Variants in STMN1 observed in about 807,000 individuals in gnomAD.
STMN1 encodes stathmin 1.
A neutral mutation model predicts 19.7 loss-of-function variants in STMN1; 3 were observed. The ratio of observed to expected loss-of-function variants is 0.15; its 90% CI spans 0.07 to 0.39. The LOEUF is 0.39. Among genes scored for constraint, STMN1 ranks in the 10% least tolerant of loss-of-function variants. The pLI, the probability that STMN1 is intolerant of heterozygous loss-of-function variation, is 1.00. For synonymous variants in STMN1, 59 were observed against 58.9 expected (o/e 1.00, Z -0.01); for missense variants, 99 against 176.0 (o/e 0.56, Z 2.48).
chr1:25,898,736 C>T (rs913813560), downstream of STMN1, among the ~76,000 whole-genome samples: 4 of 152,234 alleles, frequency 2.6e-5, no homozygotes, highest in African/African-American at 9.6e-5. Flanking sequence ...CCACTCTGGC[C>T]TTATTAGGCC....
intron 4 of STMN1, chr1:25,889,069 C>A: frequency 2.0e-6 from 1 of 492,922 alleles, no homozygotes; most frequent in East Asian, 5.5e-5. Context: ...AGGTACAACT[C>A]CAAAAGGAGA....
intron 3 of STMN1, 39 bp downstream of exon 3, chr1:25,903,602 T>C (rs779677199): frequency 6.8e-6 from 11 of 1,606,020 alleles, no homozygotes; most frequent in Non-Finnish European, 7.6e-6. Context: ...GCCCATTACA[T>C]AAATTAATAT....
chr1:25,893,263 C>T (rs142018737), intron 4 of STMN1, among the ~76,000 whole-genome samples: 11 of 152,258 alleles, frequency 7.2e-5, no homozygotes, highest in African/African-American at 1.9e-4. Flanking sequence ...GTACTTATCT[C>T]GCTGCAGACC....
exon 5 of STMN1, chr1:25,885,679 C>A: frequency 1.3e-6 from 2 of 1,530,038 alleles, no homozygotes; most frequent in South Asian, 1.3e-5. Context: ...GTTCATCAGT[C>A]TCAAGGTCAT....
intron 4 of STMN1, among the ~76,000 whole-genome samples, chr1:25,891,258 G>A (rs2048772588): frequency 6.6e-6 from 1 of 151,806 alleles, no homozygotes; most frequent in Non-Finnish European, 1.5e-5. Context: ...TTGAACCCAG[G>A]AGGCAGAGGT....
rs1424138960 is a variant in STMN1, at chr1:25,885,705, C to A, written c.*18G>T. The A allele has an allele frequency of 3.9e-6, 6 of 1,545,606 alleles. No homozygotes were observed. In the East Asian group the frequency reaches 9.8e-5, roughly 25 times the overall value. On this transcript the variant is annotated 3_prime_UTR_variant, in exon 5 of 5. Transcript: ENST00000426559. ...TCAAGGTCATTGCTATCATCAACAG[C>A]AAATATTTATTAAGTACCTAGTGAT...
chr1:25,895,158 G>C (rs915538504), downstream of STMN1, among the ~76,000 whole-genome samples: 7 of 146,132 alleles, frequency 4.8e-5, no homozygotes, highest in Admixed American at 3.5e-4. Context: ...ACTGGAGTGC[G>C]GTGGCGTGAT....
downstream of STMN1, among the ~76,000 whole-genome samples, chr1:25,898,136 G>A (rs960907638): frequency 2.6e-5 from 4 of 152,204 alleles, no homozygotes; most frequent in Non-Finnish European, 4.4e-5. Flanking sequence ...CCTTCAAAGA[G>A]CCTCCACTGC....
chr1:25,886,871 C>T lies in STMN1; in HGVS notation c.379-1002G>A, dbSNP rs535354100. ...AAAGTGCTGGGATTACAGGCATGAG[C>T]CACCGTGCCTGGCCCCACTGCTTTT... On this transcript the variant is annotated intron_variant, in intron 4 of 4. Coordinates refer to the STMN1 transcript ENST00000426559. Among the ~76,000 whole-genome samples the T allele has an allele frequency of 1.7e-4, 26 of 152,150 alleles. No individual in the cohort carries two copies. The East Asian group carries it at 4.8e-3, about 28-fold the overall frequency.
At chr1:25,903,924 T>C in intron 2 of STMN1, 111 bp from the exon 3 acceptor site, 1 of 1,151,966 alleles carries the variant, frequency 8.7e-7, no homozygotes, top group South Asian at 1.7e-5. Context: ...CTAGGGCTGA[T>C]GAGGAAAGTT....
intron 4 of STMN1, among the ~76,000 whole-genome samples, chr1:25,894,526 G>A (rs578101938): frequency 3.9e-5 from 6 of 152,108 alleles, no homozygotes; most frequent in Non-Finnish European, 7.4e-5. Context: ...CAAAAAATAC[G>A]AAAATTAGCC....
chr1:25,905,555 C>A (rs984855942), intron 1 of STMN1: 4 of 152,292 alleles, frequency 2.6e-5, no homozygotes, highest in Admixed American at 6.5e-5. Context: ...TGCGCTCCGG[C>A]CCCTGGCCCC....
In STMN1 at chr1:25,900,756, T is replaced by A; in HGVS notation, c.*260A>T. On this transcript the variant is annotated 3_prime_UTR_variant, in exon 5 of 5. Coordinates refer to ENST00000455785, the MANE Select transcript of STMN1 (RefSeq NM_005563.4). ...CTAGCCATTAACCCAGTACACCAAG[T>A]GTACTGAAGTAGAAAAGATGCAACA... 1 of 1,286,114 alleles carries A rather than the reference T, an allele frequency of 7.8e-7. No homozygotes were observed. 79.7% of individuals were successfully genotyped at this position (1,286,114 alleles called of 1,614,324 possible). A position where few individuals can be genotyped will look rare whatever the true frequency, so the allele number is the denominator to read the frequency against.
In STMN1 at chr1:25,889,019, C is replaced by T. The variant is rs571347639; in HGVS notation, c.379-3150G>A. On this transcript the variant is annotated intron_variant, in intron 4 of 4. Coordinates refer to the STMN1 transcript ENST00000426559. ...TCAAGAAACAAAAGCAAAATCGTTC[C>T]ATTCTCCAGTGGATTAGGATGAAAA... is the stretch of plus-strand genomic sequence containing the variant. 1.4e-5 allele frequency: 7 copies of T among 489,736 alleles called. No homozygotes were observed. The East Asian group carries it at 2.8e-4, about 20-fold the overall frequency. The allele number at this position is 489,736 out of a possible 1,614,324, so 30.3% of individuals were successfully genotyped here.
At chr1:25,891,418 A>T (rs1336690494) in intron 4 of STMN1, among the ~76,000 whole-genome samples, 5 of 152,138 alleles carry the variant, frequency 3.3e-5, no homozygotes, top group Non-Finnish European at 2.9e-5. Flanking sequence ...AACTTCAGTC[A>T]TGTAAGAGAA....
rs527411091 is a variant in STMN1 at position 25,894,611 on chromosome 1, T to G, written c.378+6880A>C. On this transcript the variant is annotated intron_variant, in intron 4 of 4. Transcript: ENST00000426559. ...TGGAGGATTGCTTGAGCCAAGGATG[T>G]TGAGGCTGCAGTGAGCTGTGTTTGC... 2.0e-5 allele frequency among the ~76,000 whole-genome samples: 3 copies of G among 152,316 alleles called. No homozygotes were observed. The South Asian group carries it at 6.2e-4, about 32-fold the overall frequency.
chr1:25,885,564 G>A (rs1032200160), exon 5 of STMN1: 9 of 958,294 alleles, frequency 9.4e-6, no homozygotes, highest in South Asian at 2.1e-5. Flanking sequence ...TGAGTAAACT[G>A]AGGCTCAGAC....
chr1:25,888,752 A>G (rs1328575535), intron 4 of STMN1, among the ~76,000 whole-genome samples: 2 of 152,166 alleles, frequency 1.3e-5, no homozygotes, highest in East Asian at 1.9e-4. Flanking sequence ...CGATCTATCC[A>G]TCTCCCTGTC....
At chr1:25,888,918 C>T (rs1460074985) in intron 4 of STMN1, 84 of 369,894 alleles carry the variant, frequency 2.3e-4, no homozygotes, top group Non-Finnish European at 2.1e-4. Context: ...AACAATGGCC[C>T]CTCTCTCCCT....
Sources: allele counts gnomAD v4.1 joint callset (sites outside exome capture counted in the v4.1 genomes callset), GRCh38; gene constraint gnomAD v4.1.1; transcripts MANE v1.5; gene names NCBI Gene and HGNC (gene_info 2026-07-23, HGNC 2026-07-21).